The following TOX variants were observed in gnomAD, a reference collection of about 807,000 sequenced individuals.
The protein encoded by TOX is thymocyte selection-associated high mobility group box protein TOX.
In TOX, 11 loss-of-function variants were observed where a neutral mutation model predicts 53.7. That is an observed-to-expected ratio of 0.20 (90% CI 0.13 to 0.34). TOX has a LOEUF of 0.34. TOX is among the 10% of genes least tolerant of loss of function. TOX has a pLI of 1.00. For synonymous variants in TOX, 225 were observed against 245.3 expected (o/e 0.92, Z 0.77); for missense variants, 570 against 664.6 (o/e 0.86, Z 1.56).
rs1031889038 is a variant in TOX, at chr8:59,117,768, G to A, written c.102+1118C>T. ...TGCCTGCAGGGGCTGTGAGTATCAG[G>A]CAGATTTATCACCAAGCGAGAGTTG... On this transcript the variant is annotated intron_variant, in intron 1 of 8. Coordinates refer to ENST00000361421, the MANE Select transcript of TOX (RefSeq NM_014729.3). The surrounding 1 kb of genome is among the most constrained non-coding windows in gnomAD (Gnocchi z 4.6). Among the ~76,000 whole-genome samples the A allele has an allele frequency of 6.6e-6, 1 of 152,228 alleles. No individual in the cohort carries two copies. The highest frequency in any genetic ancestry group is 1.5e-5 in the Non-Finnish European group (1 of 68,042).
At chr8:58,854,004 T>C (rs1217080417) in intron 3 of TOX, among the ~76,000 whole-genome samples, 1 of 152,152 alleles carries the variant, frequency 6.6e-6, no homozygotes, top group Non-Finnish European at 1.5e-5. Flanking sequence ...AAGCTCCCAT[T>C]ATGGGCACAG....
intron 1 of TOX, among the ~76,000 whole-genome samples, chr8:59,028,083 T>C (rs139409191): frequency 7.5e-4 from 114 of 152,340 alleles, no homozygotes; most frequent in African/African-American, 2.6e-3. Flanking sequence ...TGAATTTGTA[T>C]CTGTTACCAC....
intron 5 of TOX, among the ~76,000 whole-genome samples, chr8:58,836,074 A>C (rs778117636): frequency 6.6e-6 from 1 of 152,214 alleles, no homozygotes; most frequent in Non-Finnish European, 1.5e-5. Context: ...AGTTTATGGT[A>C]CTGAAGCCAG....
intron 1 of TOX, among the ~76,000 whole-genome samples, chr8:59,010,045 C>G (rs1018659566): frequency 2.0e-5 from 3 of 152,112 alleles, no homozygotes; most frequent in African/African-American, 7.2e-5. Flanking sequence ...GAGTTTCTAT[C>G]AAAATTATCA....
intron 3 of TOX, among the ~76,000 whole-genome samples, chr8:58,876,942 G>A (rs1279777067): frequency 6.6e-6 from 1 of 152,154 alleles, no homozygotes; most frequent in Non-Finnish European, 1.5e-5. Context: ...AGTCCCTTCA[G>A]TATATTATAT....
At chr8:58,928,969 C>A (rs1005644109) in intron 3 of TOX, among the ~76,000 whole-genome samples, 1 of 152,012 alleles carries the variant, frequency 6.6e-6, no homozygotes, top group African/African-American at 2.4e-5. Flanking sequence ...TTATTAAGAT[C>A]ATGATTAAAG....
chr8:58,932,970 C>A (rs763328782), intron 3 of TOX, among the ~76,000 whole-genome samples: 2 of 152,100 alleles, frequency 1.3e-5, no homozygotes, highest in Non-Finnish European at 2.9e-5. Context: ...AATTTTATTG[C>A]CTTTTAACAT....
chr8:59,088,336 A>C (rs1804549888), intron 1 of TOX, among the ~76,000 whole-genome samples: 1 of 152,238 alleles, frequency 6.6e-6, no homozygotes, highest in African/African-American at 2.4e-5. Flanking sequence ...GGGATAGGTA[A>C]CAATGTGAAG....
chr8:58,819,510 G>C (rs1160390032), intron 6 of TOX, among the ~76,000 whole-genome samples: 1 of 152,180 alleles, frequency 6.6e-6, no homozygotes, highest in Non-Finnish European at 1.5e-5. Context: ...GCCATAAAGT[G>C]GGGGTCGTGG....
At chr8:59,030,766 C>A (rs940278852) in intron 1 of TOX, among the ~76,000 whole-genome samples, 33 of 152,256 alleles carry the variant, frequency 2.2e-4, no homozygotes, top group African/African-American at 6.5e-4. Flanking sequence ...AATGTTTACA[C>A]TATGGCCACA....
At chr8:58,933,576 G>A (rs1162420969) in intron 3 of TOX, among the ~76,000 whole-genome samples, 2 of 150,818 alleles carry the variant, frequency 1.3e-5, no homozygotes, top group Non-Finnish European at 2.9e-5. Flanking sequence ...AGGGGGGTGG[G>A]GGGTGCAGTT....
At chr8:58,957,236 G>T (rs1343337857) in intron 2 of TOX, among the ~76,000 whole-genome samples, 2 of 152,132 alleles carry the variant, frequency 1.3e-5, no homozygotes, top group African/African-American at 2.4e-5. Context: ...TAAGAAAAAA[G>T]TTAAATGATG....
At chr8:58,862,787 C>T (rs762821658) in intron 3 of TOX, among the ~76,000 whole-genome samples, 11 of 152,088 alleles carry the variant, frequency 7.2e-5, no homozygotes, top group African/African-American at 1.9e-4. Context: ...AAATACATGG[C>T]TTCTACTGAT....
rs1159068530 is a variant in TOX at position 58,920,701 on chromosome 8, G to C, written c.411+18601C>G. Among the ~76,000 whole-genome samples, 8 of 59,382 alleles carry C rather than the reference G, an allele frequency of 1.3e-4. No individual in the cohort carries two copies. In the East Asian group the frequency reaches 1.5e-3, roughly 11 times the overall value. 39.0% of individuals were successfully genotyped at this position (59,382 alleles called of 152,430 possible). A position where few individuals can be genotyped will look rare whatever the true frequency, so the allele number is the denominator to read the frequency against. ...GTGCACATGTACCCTAAAACTTAAA[G>C]TATAATAAAAAAAAAACATTAAAAA... On this transcript the variant is annotated intron_variant, in intron 3 of 8. Coordinates refer to ENST00000361421, the MANE Select transcript of TOX (RefSeq NM_014729.3).
intron 2 of TOX, among the ~76,000 whole-genome samples, chr8:58,945,139 C>A (rs933778475): frequency 6.6e-6 from 1 of 152,196 alleles, no homozygotes; most frequent in African/African-American, 2.4e-5. Flanking sequence ...GGTGGGCCTG[C>A]AGCTCTGGCT....
In TOX at chr8:58,837,095, ATATATAGATCC is replaced by A. The variant is rs565971126; in HGVS notation, c.924+975_924+985del. On this transcript the variant is annotated intron_variant, in intron 5 of 8. Transcript: ENST00000361421. ...GATGTTAATATATAATATAAACACA[ATATATAGATCC>A]TTCTAGATGCATAAATAAGTGTGGG... 2.6e-3 allele frequency among the ~76,000 whole-genome samples: 397 copies of A among 152,318 alleles called. 6 individuals carry two copies. The South Asian group carries it at 0.03, about 12-fold the overall frequency.
intron 3 of TOX, among the ~76,000 whole-genome samples, chr8:58,936,935 C>T (rs962182535): frequency 6.6e-6 from 1 of 152,150 alleles, no homozygotes; most frequent in African/African-American, 2.4e-5. Flanking sequence ...TCCCTCAGTC[C>T]CACTAGCCAC....
At chr8:59,023,309 C>A (rs1376436022) in intron 1 of TOX, among the ~76,000 whole-genome samples, 1 of 21,622 alleles carries the variant, frequency 4.6e-5, no homozygotes, top group African/African-American at 1.2e-4. Flanking sequence ...GTGTTGCATG[C>A]ACCTTTCACA....
At chr8:59,050,179 T>G (rs1325261660) in intron 1 of TOX, among the ~76,000 whole-genome samples, 1 of 152,142 alleles carries the variant, frequency 6.6e-6, no homozygotes, top group African/African-American at 2.4e-5. Flanking sequence ...TTATTGCAAC[T>G]TTTGTTCTAT....
Sources: allele counts gnomAD v4.1 joint callset (sites outside exome capture counted in the v4.1 genomes callset), GRCh38; gene constraint gnomAD v4.1.1; non-coding constraint Gnocchi (gnomAD v3.1); transcripts MANE v1.5; gene names NCBI Gene and HGNC (gene_info 2026-07-23, HGNC 2026-07-21).